The following MYO3B variants were observed in gnomAD, a reference collection of about 807,000 sequenced individuals.
MYO3B encodes the protein myosin IIIB, also known as myosin-IIIb.
Under a neutral mutation model 174.6 loss-of-function variants are expected in MYO3B, and 156 were observed. The observed-to-expected ratio is 0.89, with a 90% CI of 0.78 to 1.02. The LOEUF (loss-of-function observed/expected upper bound fraction) is 1.02. MYO3B is among the 50% of genes least tolerant of loss of function. The probability of loss-of-function intolerance (pLI) is 0.00; values close to 1 mark genes in which losing one functional copy is unlikely to be tolerated. For synonymous variants in MYO3B, 563 were observed against 569.1 expected, an observed-to-expected ratio of 0.99 and a Z score of 0.15; for missense variants, 1,632 against 1,639.4, an observed-to-expected ratio of 1.00 and a Z score of 0.08.
intron 30 of MYO3B, among the ~76,000 whole-genome samples, chr2:170,535,612 T>C (rs1158019979): frequency 6.6e-6 from 1 of 152,216 alleles, no homozygotes; most frequent in African/African-American, 2.4e-5. Context: ...AGGATTTGTA[T>C]CTGGTTATGA....
intron 7 of MYO3B, among the ~76,000 whole-genome samples, chr2:170,325,838 A>G (rs1026165001): frequency 2.6e-5 from 4 of 151,896 alleles, no homozygotes; most frequent in Non-Finnish European, 5.9e-5. Context: ...GAGAAAGTCC[A>G]CTCCCTGCAG....
At chr2:170,606,847 C>T (rs1035668110) in intron 32 of MYO3B, among the ~76,000 whole-genome samples, 4 of 152,026 alleles carry the variant, frequency 2.6e-5, no homozygotes, top group Non-Finnish European at 4.4e-5. Flanking sequence ...ATGGAGAAAC[C>T]GTGTCTCGAC....
At chr2:170,379,202 T>C (rs1352036026) in intron 9 of MYO3B, among the ~76,000 whole-genome samples, 1 of 151,026 alleles carries the variant, frequency 6.6e-6, no homozygotes, top group African/African-American at 2.5e-5. Flanking sequence ...CAATTTTTTT[T>C]TTTTTTTTTT....
chr2:170,380,159 G>A (rs1033080037), intron 9 of MYO3B, among the ~76,000 whole-genome samples: 3 of 152,184 alleles, frequency 2.0e-5, no homozygotes, highest in Non-Finnish European at 4.4e-5. Context: ...AAGCTGTGAT[G>A]TTGATGGGCA....
intron 7 of MYO3B, among the ~76,000 whole-genome samples, chr2:170,312,424 G>A (rs1431498291): frequency 6.6e-6 from 1 of 152,246 alleles, no homozygotes; most frequent in Non-Finnish European, 1.5e-5. Context: ...TTTAGTAGGG[G>A]ATGACTGTGC....
Position 170,498,525 on chromosome 2 carries a change from G to A in MYO3B, c.3015-67G>A, listed in dbSNP as rs557931037. ...AAAAACAAGGTGTGTCAATGGTCCC[G>A]AGTAATTCTACTATGCTGAGTCAAA... On this transcript the variant is annotated intron_variant, in intron 25 of 34. Transcript: ENST00000408978. 1,057 of 1,087,602 alleles carry A rather than the reference G, an allele frequency of 9.7e-4. 1 individual carries two copies. The highest frequency in any genetic ancestry group is 1.3e-3 in the Non-Finnish European group (954 of 718,070). 67.4% of individuals were successfully genotyped at this position (1,087,602 alleles called of 1,614,324 possible). A position where few individuals can be genotyped will look rare whatever the true frequency, so the allele number is the denominator to read the frequency against.
chr2:170,467,313 C>G (rs1395182095), intron 25 of MYO3B, among the ~76,000 whole-genome samples: 1 of 152,104 alleles, frequency 6.6e-6, no homozygotes, highest in Non-Finnish European at 1.5e-5. Context: ...GGATTTGAAC[C>G]CAGGCAGTCT....
chr2:170,278,816 A>G (rs947610659), intron 7 of MYO3B, among the ~76,000 whole-genome samples: 29 of 151,434 alleles, frequency 1.9e-4, no homozygotes, highest in Admixed American at 1.8e-3. Flanking sequence ...CTATTCTTCT[A>G]CTCTCTACCT....
At chr2:170,261,382 A>AAAAAC (rs375060842) in intron 7 of MYO3B, among the ~76,000 whole-genome samples, 6 of 152,160 alleles carry the variant, frequency 3.9e-5, no homozygotes, top group African/African-American at 4.8e-5. Context: ...GTCTCTACCA[A>AAAAAC]AAAACAAAAC....
At chr2:170,500,786 G>A (rs1208244075) in intron 27 of MYO3B, among the ~76,000 whole-genome samples, 1 of 152,156 alleles carries the variant, frequency 6.6e-6, no homozygotes, top group African/African-American at 2.4e-5. Context: ...AGTTACTAAC[G>A]CCATTTCCAG....
At chr2:170,261,472 C>T (rs1477014870) in intron 7 of MYO3B, among the ~76,000 whole-genome samples, 4 of 152,158 alleles carry the variant, frequency 2.6e-5, no homozygotes, top group African/African-American at 9.7e-5. Flanking sequence ...AGAATTGATC[C>T]CGTCACCAGA....
At chr2:170,281,178 T>C (rs1161158654) in intron 7 of MYO3B, among the ~76,000 whole-genome samples, 1 of 152,176 alleles carries the variant, frequency 6.6e-6, no homozygotes, top group East Asian at 1.9e-4. Context: ...ATTCTCACTG[T>C]AGAGATCTTT....
In MYO3B at chr2:170,610,265, C is replaced by T. The variant is rs530214262; in HGVS notation, c.3734-41363C>T. Among the ~76,000 whole-genome samples, 331 of 61,088 alleles carry T rather than the reference C, an allele frequency of 5.4e-3. 1 individual carries two copies. The highest frequency in any genetic ancestry group is 0.026 in the Middle Eastern group (3 of 116). The allele number at this position is 61,088 out of a possible 152,430, so 40.1% of individuals were successfully genotyped here. On this transcript the variant is annotated intron_variant, in intron 32 of 34. Coordinates refer to ENST00000408978, the MANE Select transcript of MYO3B (RefSeq NM_138995.5). ...TGAGGCAGGAGAATGGCGTGAACCC[C>T]GGAGGGTGGAGCTTGCAGTGAGCCG...
At chr2:170,650,874 G>A (rs1575349526) in intron 32 of MYO3B, among the ~76,000 whole-genome samples, 3 of 151,470 alleles carry the variant, frequency 2.0e-5, no homozygotes. Flanking sequence ...AGTAGAGACG[G>A]GGTTTCACCA....
intron 32 of MYO3B, among the ~76,000 whole-genome samples, chr2:170,578,430 A>G (rs1007512225): frequency 2.6e-4 from 39 of 152,258 alleles, no homozygotes; most frequent in Admixed American, 2.2e-3. Context: ...CTGAGTTTCT[A>G]TGAAGTACTT....
intron 7 of MYO3B, among the ~76,000 whole-genome samples, chr2:170,288,931 T>TTTGC (rs1215250597): frequency 5.9e-5 from 9 of 152,148 alleles, no homozygotes; most frequent in African/African-American, 2.2e-4. Context: ...AATGTTGAAT[T>TTTGC]TTATCAAATG....
intron 23 of MYO3B, among the ~76,000 whole-genome samples, chr2:170,459,329 G>T (rs970865814): frequency 2.0e-5 from 3 of 152,176 alleles, no homozygotes; most frequent in Non-Finnish European, 4.4e-5. Flanking sequence ...TTTTGACAGG[G>T]TGCTGATTGG....
At chr2:170,197,466 T>C (rs1227185418) in intron 1 of MYO3B, among the ~76,000 whole-genome samples, 2 of 152,238 alleles carry the variant, frequency 1.3e-5, no homozygotes, top group Admixed American at 1.3e-4. Flanking sequence ...GAGCAGTGAT[T>C]CTTGGGATCT....
At chr2:170,266,965 C>G (rs879554548) in intron 7 of MYO3B, among the ~76,000 whole-genome samples, 3 of 152,074 alleles carry the variant, frequency 2.0e-5, no homozygotes, top group Non-Finnish European at 4.4e-5. Context: ...CATAAATAAG[C>G]CAAATGAAGG....
Sources: allele counts gnomAD v4.1 joint callset (sites outside exome capture counted in the v4.1 genomes callset), GRCh38; gene constraint gnomAD v4.1.1; transcripts MANE v1.5; gene names NCBI Gene and HGNC (gene_info 2026-07-23, HGNC 2026-07-21).